The following SYTL5 variants were observed in gnomAD, a reference collection of about 807,000 sequenced individuals.
The protein encoded by SYTL5 is synaptotagmin like 5.
A neutral mutation model predicts 55.9 loss-of-function variants in SYTL5; 34 were observed. The ratio of observed to expected loss-of-function variants is 0.61; its 90% CI spans 0.46 to 0.81. The LOEUF (loss-of-function observed/expected upper bound fraction) is 0.81, where lower values mean the gene tolerates loss of function less well. Among genes scored for constraint, SYTL5 ranks in the 30% least tolerant of loss-of-function variants. The pLI is 0.00. For missense variants in SYTL5, 637 were observed against 546.7 expected (o/e 1.17, Z -1.65); for synonymous variants, 221 against 188.7 (o/e 1.17, Z -1.40).
the SYTL5 span, among the ~76,000 whole-genome samples, chrX:37,968,529 C>A: frequency 9.0e-6 from 1 of 111,312 alleles, no homozygotes; most frequent in Non-Finnish European, 1.9e-5. Context: ...GTAAAAAGGG[C>A]CCCCTTAACC....
chrX:38,000,617 C>G, the SYTL5 span, among the ~76,000 whole-genome samples: 3 of 112,174 alleles, frequency 2.7e-5, no homozygotes, highest in African/African-American at 9.7e-5. Context: ...GTAGGTAGCT[C>G]GTGTTAGTCA....
the SYTL5 span, among the ~76,000 whole-genome samples, chrX:37,982,192 A>G: frequency 9.8e-5 from 11 of 112,089 alleles, no homozygotes; most frequent in African/African-American, 3.6e-4. Flanking sequence ...AGATATGAAA[A>G]TGCCACATCA....
At chrX:37,985,188 T>C in the SYTL5 span, among the ~76,000 whole-genome samples, 1 of 111,773 alleles carries the variant, frequency 8.9e-6, no homozygotes, top group Non-Finnish European at 1.9e-5. Flanking sequence ...TAAAATTAAC[T>C]CTATTCATGA....
At chrX:38,073,034 T>A (rs926469767) in intron 4 of SYTL5, among the ~76,000 whole-genome samples, 1 of 111,495 alleles carries the variant, frequency 9.0e-6, no homozygotes, top group Non-Finnish European at 1.9e-5. Flanking sequence ...AAGGAAAGGC[T>A]TTTCCACATA....
the SYTL5 span, among the ~76,000 whole-genome samples, chrX:37,950,781 T>C: frequency 6.8e-4 from 76 of 111,680 alleles, no homozygotes; most frequent in African/African-American, 2.1e-3. Flanking sequence ...AATAAGTTCT[T>C]TTTCTGAGAG....
chrX:38,082,963 T>C (rs1422887385), intron 6 of SYTL5, among the ~76,000 whole-genome samples: 2 of 112,368 alleles, frequency 1.8e-5, no homozygotes, highest in Non-Finnish European at 3.8e-5. Flanking sequence ...TATCTTCTTA[T>C]ATGCAATATA....
At chrX:37,904,666 G>T in the SYTL5 span, among the ~76,000 whole-genome samples, 2 of 110,925 alleles carry the variant, frequency 1.8e-5, no homozygotes, top group African/African-American at 6.6e-5. Context: ...TATTCCCTAC[G>T]CATCCAATTA....
chrX:38,037,339 CT>C (rs1278109520), intron 2 of SYTL5, among the ~76,000 whole-genome samples: 7 of 111,778 alleles, frequency 6.3e-5, no homozygotes, highest in Admixed American at 9.5e-5. Context: ...ATAGATTTCT[CT>C]TGAGAGCACT....
At chrX:37,911,809 CACAT>C in the SYTL5 span, among the ~76,000 whole-genome samples, 1 of 111,619 alleles carries the variant, frequency 9.0e-6, no homozygotes, top group Non-Finnish European at 1.9e-5. Flanking sequence ...TATATACACA[CACAT>C]ACATATACGT....
At chrX:38,038,386 CTT>C (rs1166276407) in intron 2 of SYTL5, among the ~76,000 whole-genome samples, 1 of 111,967 alleles carries the variant, frequency 8.9e-6, no homozygotes, top group Non-Finnish European at 1.9e-5. Flanking sequence ...ATTCCTTACT[CTT>C]TTCTTTGCCA....
At chrX:37,914,678 T>C in the SYTL5 span, among the ~76,000 whole-genome samples, 1 of 111,710 alleles carries the variant, frequency 9.0e-6, no homozygotes, top group Non-Finnish European at 1.9e-5. Flanking sequence ...TAAAGGCTCA[T>C]TTAGTATTAC....
At chrX:37,915,290 G>A in the SYTL5 span, among the ~76,000 whole-genome samples, 1 of 111,829 alleles carries the variant, frequency 8.9e-6, no homozygotes, top group East Asian at 2.8e-4. Context: ...AAACAAAGCA[G>A]TAAAACTGTA....
the SYTL5 span, among the ~76,000 whole-genome samples, chrX:37,971,738 G>A: frequency 2.7e-5 from 3 of 110,797 alleles, no homozygotes; most frequent in Non-Finnish European, 5.7e-5. Context: ...ACTCTGGCAA[G>A]TACAGGTGTG....
chrX:38,017,885 C>A (rs1420770155), intron 1 of SYTL5, among the ~76,000 whole-genome samples: 1 of 109,457 alleles, frequency 9.1e-6, no homozygotes, highest in Non-Finnish European at 1.9e-5. Context: ...CCTCTGGAGC[C>A]TCAGTAAATT....
the SYTL5 span, among the ~76,000 whole-genome samples, chrX:37,962,105 G>A: frequency 1.8e-5 from 2 of 109,668 alleles, no homozygotes. Context: ...TTAAGTTCTA[G>A]GGTACATGTG....
At chrX:38,016,610 C>A (rs1934362762) in intron 1 of SYTL5, among the ~76,000 whole-genome samples, 2 of 111,973 alleles carry the variant, frequency 1.8e-5, no homozygotes, top group South Asian at 3.8e-4. Flanking sequence ...GACCTTCATG[C>A]ATTTTCAGTT....
At chrX:38,112,753 A>G (rs1036423100) in intron 13 of SYTL5, among the ~76,000 whole-genome samples, 4 of 111,667 alleles carry the variant, frequency 3.6e-5, no homozygotes, top group Non-Finnish European at 5.6e-5. Context: ...TGTGTGGTTG[A>G]TTATCAGCCA....
chrX:38,033,186 T>C (rs17144698), intron 1 of SYTL5, among the ~76,000 whole-genome samples: 32,713 of 110,596 alleles, frequency 0.3, 6,887 homozygotes, highest in African/African-American at 0.74. Flanking sequence ...AAGGCCCTGA[T>C]CTGTTATGGG....
intron 1 of SYTL5, among the ~76,000 whole-genome samples, chrX:38,025,567 G>C (rs1025833957): frequency 8.0e-5 from 9 of 111,908 alleles, no homozygotes; most frequent in African/African-American, 2.9e-4. Context: ...GCTTAGCATA[G>C]TTCAACAAAG....
Sources: gnomAD v4.1 joint callset for allele counts (sites outside exome capture counted in the v4.1 genomes callset) on GRCh38, gnomAD v4.1.1 for gene constraint, MANE v1.5 for transcripts, NCBI Gene and HGNC (gene_info 2026-07-23, HGNC 2026-07-21) for gene names.